The following NEMP2 variants were observed in gnomAD, a reference collection of about 807,000 sequenced individuals.
The protein encoded by NEMP2 is UPF0571 transmembrane protein.
In NEMP2, 53 loss-of-function variants were observed where a neutral mutation model predicts 54.2. The ratio of observed to expected loss-of-function variants is 0.98; its 90% confidence interval spans 0.78 to 1.23. The LOEUF (loss-of-function observed/expected upper bound fraction) is 1.23. Ranked by LOEUF, NEMP2 falls within the 50% of genes most tolerant of loss-of-function variation. NEMP2 has a pLI of 0.00. For synonymous variants in NEMP2, 197 were observed against 190.3 expected, an observed-to-expected ratio of 1.04 and a Z score of -0.29; for missense variants, 455 against 511.3, an observed-to-expected ratio of 0.89 and a Z score of 1.06.
the NEMP2 span, among the ~76,000 whole-genome samples, chr2:190,470,331 TG>T: frequency 6.6e-6 from 1 of 152,156 alleles, no homozygotes. Flanking sequence ...TGTTTTTCCA[TG>T]AACTTTAAAA....
the NEMP2 span, among the ~76,000 whole-genome samples, chr2:190,606,964 G>T: frequency 6.6e-6 from 1 of 152,060 alleles, no homozygotes; most frequent in South Asian, 2.1e-4. Flanking sequence ...ACCTTGTACC[G>T]GGAATGCAGG....
At chr2:190,573,355 C>T in the NEMP2 span, among the ~76,000 whole-genome samples, 17 of 152,160 alleles carry the variant, frequency 1.1e-4, no homozygotes, top group Non-Finnish European at 2.2e-4. Context: ...TCTTTGAAGA[C>T]AGATATGACC....
upstream of NEMP2, among the ~76,000 whole-genome samples, chr2:190,537,101 G>A (rs1005384277): frequency 9.2e-5 from 14 of 152,140 alleles, no homozygotes; most frequent in Non-Finnish European, 1.8e-4. Context: ...AAAGCTAGTG[G>A]AAAAGGTGAA....
At chr2:190,588,246 TG>T in the NEMP2 span, among the ~76,000 whole-genome samples, 1 of 152,138 alleles carries the variant, frequency 6.6e-6, no homozygotes, top group African/African-American at 2.4e-5. This position sits in a 1 kb window ranked among gnomAD's most constrained non-coding sequence, Gnocchi z 5.0. Flanking sequence ...AAAACTCCTG[TG>T]GGGAACCAGA....
At chr2:190,566,337 T>C in the NEMP2 span, among the ~76,000 whole-genome samples, 163 of 152,246 alleles carry the variant, frequency 1.1e-3, no homozygotes, top group African/African-American at 3.8e-3. Flanking sequence ...CTGTCAGGTT[T>C]ACTGGGCACA....
the NEMP2 span, among the ~76,000 whole-genome samples, chr2:190,448,853 T>C: frequency 6.6e-6 from 1 of 152,226 alleles, no homozygotes; most frequent in African/African-American, 2.4e-5. Flanking sequence ...TACCTTTTTT[T>C]GGTATTTTCT....
rs905655162 is a variant in NEMP2, at chr2:190,522,736, A to G, written c.213+2527T>C. The stretch of plus-strand genomic sequence containing the variant: ...CCTGCTACCTGGAGGCTTCATCTCC[A>G]TGATAAAACTTTGGTCTCCGCAATT... On this transcript the variant is annotated intron_variant, in intron 2 of 8. Coordinates refer to ENST00000409150, the MANE Select transcript of NEMP2 (RefSeq NM_001142645.2). The surrounding 1 kb of genome is among the most constrained non-coding windows in gnomAD (Gnocchi z 5.0). Among the ~76,000 whole-genome samples the G allele has an allele frequency of 6.6e-6, 1 of 152,228 alleles. No homozygotes were observed. Among genetic ancestry groups the G allele is most frequent in the African/African-American group, 2.4e-5 (1 of 41,462 alleles).
At position 190,519,552 on chromosome 2, in the gene NEMP2, G is replaced by T. The variant is rs1262665729; in HGVS notation, c.214-369C>A. On this transcript the variant is annotated intron_variant, in intron 2 of 8. Coordinates refer to ENST00000409150, the MANE Select transcript of NEMP2 (RefSeq NM_001142645.2). This position sits in a 1 kb window ranked among gnomAD's most constrained non-coding sequence, Gnocchi z 5.4. ...TCTTAAAAGCTTCTTAAAAACATGA[G>T]CAGAGGAGTAAAGATAACTCAAAGT... Among the ~76,000 whole-genome samples the T allele has an allele frequency of 6.6e-6, 1 of 152,166 alleles. No homozygotes were observed. The highest frequency in any genetic ancestry group is 1.9e-4 in the East Asian group (1 of 5,204).
chr2:190,639,630 TGTTGA>T, the NEMP2 span, among the ~76,000 whole-genome samples: 45 of 149,120 alleles, frequency 3.0e-4, no homozygotes, highest in Non-Finnish European at 5.3e-4. Context: ...GCATGTTTAT[TGTTGA>T]GTTTTTTTTT....
At chr2:190,534,016 C>G in intron 1 of NEMP2, 1 of 983,976 alleles carries the variant, frequency 1.0e-6, no homozygotes, top group Non-Finnish European at 1.2e-6. Context: ...CATTACCTGC[C>G]GCTCACGTGG....
At position 190,525,298 on chromosome 2, in the gene NEMP2, G is replaced by C; in HGVS notation, c.178C>G (p.Gln60Glu). ...GACCATATGTATTTCCACTCCACTT[G>C]GGAATTTTGATTGTAGCAGTAACAG... Reference protein sequence around the residue: ...SDCYCYNQNSQVEWKYIWSTM... With the variant: ...SDCYCYNQNSEVEWKYIWSTM... Residue 60 changes from glutamine (Q) to glutamate (E), a missense_variant, in exon 2 of 9, where the codon CAA becomes GAA. Around this residue, in one of 3 missense-constraint regions of NEMP2, gnomAD observed 100 missense variants for 80.2 expected, o/e 1.25. Coordinates refer to ENST00000409150, the MANE Select transcript of NEMP2 (RefSeq NM_001142645.2). This position sits in a 1 kb window ranked among gnomAD's most constrained non-coding sequence, Gnocchi z 5.0. 1 of 1,550,188 alleles carries C rather than the reference G, an allele frequency of 6.5e-7. No homozygotes were observed. Among genetic ancestry groups the C allele is most frequent in the Non-Finnish European group, 8.7e-7 (1 of 1,145,934 alleles).
chr2:190,429,305 T>C, the NEMP2 span, among the ~76,000 whole-genome samples: 2 of 151,998 alleles, frequency 1.3e-5, no homozygotes, highest in Non-Finnish European at 2.9e-5. Flanking sequence ...TTTCAATCTT[T>C]AATGGTAGCT....
the NEMP2 span, among the ~76,000 whole-genome samples, chr2:190,637,111 T>C: frequency 6.6e-6 from 1 of 152,196 alleles, no homozygotes; most frequent in East Asian, 1.9e-4. The surrounding 1 kb of genome is among the most constrained non-coding windows in gnomAD (Gnocchi z 4.5). Context: ...CTGGAATCTG[T>C]TTTCAATAAA....
chr2:190,494,822 G>A, the NEMP2 span, among the ~76,000 whole-genome samples: 1 of 151,928 alleles, frequency 6.6e-6, no homozygotes, highest in African/African-American at 2.4e-5. This position sits in a 1 kb window ranked among gnomAD's most constrained non-coding sequence, Gnocchi z 5.7. Context: ...AAAACCCTTA[G>A]CAAAATCAGC....
At chr2:190,620,870 G>A in the NEMP2 span, among the ~76,000 whole-genome samples, 1 of 152,022 alleles carries the variant, frequency 6.6e-6, no homozygotes, top group Non-Finnish European at 1.5e-5. This position sits in a 1 kb window ranked among gnomAD's most constrained non-coding sequence, Gnocchi z 4.9. Flanking sequence ...AAAATCCTAA[G>A]GAATCTATTA....
chr2:190,465,701 A>G, the NEMP2 span, among the ~76,000 whole-genome samples: 4 of 152,190 alleles, frequency 2.6e-5, no homozygotes, highest in Admixed American at 6.5e-5. The surrounding 1 kb of genome is among the most constrained non-coding windows in gnomAD (Gnocchi z 4.6). Flanking sequence ...CTTAAAAAAC[A>G]GAAGTTTATG....
the NEMP2 span, among the ~76,000 whole-genome samples, chr2:190,578,143 G>A: frequency 0.038 from 5,843 of 152,274 alleles, 152 homozygotes; most frequent in Middle Eastern, 0.078. This position sits in a 1 kb window ranked among gnomAD's most constrained non-coding sequence, Gnocchi z 4.4. Flanking sequence ...TGGACAGGAT[G>A]TGAGGGATGC....
the NEMP2 span, among the ~76,000 whole-genome samples, chr2:190,431,532 G>A: frequency 3.9e-4 from 60 of 152,312 alleles, no homozygotes; most frequent in Non-Finnish European, 6.6e-4. This position sits in a 1 kb window ranked among gnomAD's most constrained non-coding sequence, Gnocchi z 4.4. Context: ...GCGAAACCCC[G>A]TCTCCACCAA....
At chr2:190,516,432 T>C in intron 5 of NEMP2, 48 bp from the exon 6 acceptor site, 1 of 1,353,970 alleles carries the variant, frequency 7.4e-7, no homozygotes, top group Non-Finnish European at 1.0e-6. Context: ...TCATTCACTC[T>C]CATAAAAATA....
Sources: gnomAD v4.1 joint callset for allele counts (sites outside exome capture counted in the v4.1 genomes callset) on GRCh38, gnomAD v4.1.1 for gene constraint, gnomAD v4.1.1 regional missense constraint, Gnocchi (gnomAD v3.1) non-coding constraint, MANE v1.5 for transcripts, NCBI Gene and HGNC (gene_info 2026-07-23, HGNC 2026-07-21) for gene names.